The following ABCA13 variants were observed in gnomAD, a reference collection of about 807,000 sequenced individuals.
The protein encoded by ABCA13 is ATP binding cassette subfamily A member 13.
Under a neutral mutation model 478.7 loss-of-function variants are expected in ABCA13, and 476 were observed. That is an observed-to-expected ratio of 0.99 (90% CI 0.92 to 1.07). ABCA13 has a LOEUF of 1.07. Among genes scored for constraint, ABCA13 ranks in the 50% least tolerant of loss-of-function variants. ABCA13 has a pLI of 0.00. For synonymous variants in ABCA13, 2,252 were observed against 2,158.9 expected, an observed-to-expected ratio of 1.04 and a Z score of -1.20; for missense variants, 6,060 against 5,910.6, an observed-to-expected ratio of 1.03 and a Z score of -0.83.
intron 45 of ABCA13, among the ~76,000 whole-genome samples, chr7:48,476,489 G>A (rs1476882173): frequency 1.3e-5 from 2 of 152,122 alleles, no homozygotes; most frequent in Non-Finnish European, 2.9e-5. Context: ...TTAAAGAAAG[G>A]GTTTGGAATG....
chr7:48,232,982 C>T (rs1052261447), intron 7 of ABCA13, among the ~76,000 whole-genome samples: 1 of 152,138 alleles, frequency 6.6e-6, no homozygotes, highest in African/African-American at 2.4e-5. Context: ...TAGTCTAGGT[C>T]CTAGTACCTC....
intron 15 of ABCA13, among the ~76,000 whole-genome samples, chr7:48,266,925 G>C (rs1179234448): frequency 2.6e-5 from 4 of 151,868 alleles, no homozygotes; most frequent in Non-Finnish European, 5.9e-5. Context: ...GTTTCCTTTT[G>C]ATTCCTTTTT....
chr7:48,387,354 G>A (rs1041286631), intron 35 of ABCA13, among the ~76,000 whole-genome samples: 3 of 152,114 alleles, frequency 2.0e-5, no homozygotes, highest in Non-Finnish European at 2.9e-5. Flanking sequence ...GGAAATGTTA[G>A]CATTATGAAT....
chr7:48,621,425 T>C (rs1793119083), intron 59 of ABCA13, among the ~76,000 whole-genome samples: 1 of 152,160 alleles, frequency 6.6e-6, no homozygotes, highest in Non-Finnish European at 1.5e-5. Context: ...ATTTAGGAGA[T>C]AAAATATGAG....
At chr7:48,197,659 G>A (rs1376067979) in intron 2 of ABCA13, among the ~76,000 whole-genome samples, 2 of 148,362 alleles carry the variant, frequency 1.3e-5, no homozygotes, top group Non-Finnish European at 3.0e-5. Flanking sequence ...GTGAAGGGAG[G>A]ATATGGTTGG....
At chr7:48,407,321 A>G (rs996231060) in intron 39 of ABCA13, among the ~76,000 whole-genome samples, 1 of 151,592 alleles carries the variant, frequency 6.6e-6, no homozygotes, top group Non-Finnish European at 1.5e-5. Flanking sequence ...TAAAAATACA[A>G]AAAAATTAAC....
chr7:48,290,940 GAAAAAAAA>G (rs57470116), intron 20 of ABCA13, among the ~76,000 whole-genome samples: 21 of 48,834 alleles, frequency 4.3e-4, no homozygotes, highest in Non-Finnish European at 5.7e-4. Flanking sequence ...CACACTCAGG[GAAAAAAAA>G]AAAAAAAAAA....
chr7:48,346,349 T>A (rs1181855898), intron 29 of ABCA13, among the ~76,000 whole-genome samples: 1 of 152,208 alleles, frequency 6.6e-6, no homozygotes, highest in African/African-American at 2.4e-5. Flanking sequence ...GTGTTTAACA[T>A]CTGCTGTTTT....
chr7:48,382,005 T>G (rs1423687007), intron 35 of ABCA13, among the ~76,000 whole-genome samples: 1 of 152,028 alleles, frequency 6.6e-6, no homozygotes, highest in Non-Finnish European at 1.5e-5. Context: ...AATTAGGGGG[T>G]TTTAAAAGTC....
At chr7:48,559,239 C>T (rs1451399499) in intron 55 of ABCA13, among the ~76,000 whole-genome samples, 1 of 152,128 alleles carries the variant, frequency 6.6e-6, no homozygotes, top group Non-Finnish European at 1.5e-5. Context: ...GGCTGTCAAA[C>T]CACAAGTCAG....
intron 38 of ABCA13, among the ~76,000 whole-genome samples, chr7:48,397,500 A>T (rs1454380675): frequency 6.6e-6 from 1 of 152,062 alleles, no homozygotes; most frequent in Non-Finnish European, 1.5e-5. Flanking sequence ...AATATGGTAG[A>T]GGCACATATT....
intron 11 of ABCA13, among the ~76,000 whole-genome samples, chr7:48,245,051 C>T (rs1310617015): frequency 2.6e-5 from 4 of 152,158 alleles, no homozygotes; most frequent in Non-Finnish European, 4.4e-5. Flanking sequence ...TGTGAATAAG[C>T]GTATCTTTTG....
At chr7:48,255,541 T>C (rs1793250663) in intron 15 of ABCA13, among the ~76,000 whole-genome samples, 1 of 152,178 alleles carries the variant, frequency 6.6e-6, no homozygotes, top group South Asian at 2.1e-4. Flanking sequence ...TTCCCACTTA[T>C]AAATGGGAAC....
At chr7:48,641,726 G>A (rs889157006) in intron 59 of ABCA13, among the ~76,000 whole-genome samples, 2 of 152,162 alleles carry the variant, frequency 1.3e-5, no homozygotes, top group South Asian at 2.1e-4. Context: ...AGACACAGCT[G>A]AGAGCTCTCC....
At chr7:48,520,020 T>G (rs1832428279) in intron 52 of ABCA13, 21 bp from the exon 53 acceptor site, 1 of 1,576,676 alleles carries the variant, frequency 6.3e-7, no homozygotes, top group Admixed American at 1.8e-5. Flanking sequence ...TTGGATTTTT[T>G]TTCTTTTTTT....
chr7:48,455,303 C>A lies in ABCA13; in HGVS notation c.12815+17C>A. On this transcript the variant is annotated intron_variant, in intron 43 of 61. Coordinates refer to ENST00000435803, the MANE Select transcript of ABCA13 (RefSeq NM_152701.5). ...CTTTTTCAGGTAAGTTGTTTTTGTT[C>A]CTTTGATTTCGAAATTATGTCGAGG... 6.3e-7 allele frequency: 1 copy of A among 1,582,478 alleles called. No individual in the cohort carries two copies. Among genetic ancestry groups the A allele is most frequent in the Non-Finnish European group, 8.6e-7 (1 of 1,160,278 alleles).
At chr7:48,572,493 A>G (rs149605561) in intron 55 of ABCA13, among the ~76,000 whole-genome samples, 15 of 151,998 alleles carry the variant, frequency 9.9e-5, no homozygotes, top group African/African-American at 2.2e-4. Flanking sequence ...TAATTTTAAC[A>G]TTTTACTATT....
intron 28 of ABCA13, among the ~76,000 whole-genome samples, chr7:48,336,883 G>A (rs1417661522): frequency 6.6e-6 from 1 of 152,190 alleles, no homozygotes; most frequent in Non-Finnish European, 1.5e-5. Context: ...ACTAGATAAG[G>A]TCTCTGCTGC....
At chr7:48,346,786 A>G (rs1376078835) in intron 29 of ABCA13, among the ~76,000 whole-genome samples, 1 of 152,226 alleles carries the variant, frequency 6.6e-6, no homozygotes, top group Non-Finnish European at 1.5e-5. Flanking sequence ...TAGATTAAAT[A>G]ACTATCTAAT....
Sources: gnomAD v4.1 joint callset for allele counts (sites outside exome capture counted in the v4.1 genomes callset) on GRCh38, gnomAD v4.1.1 for gene constraint, MANE v1.5 for transcripts, NCBI Gene and HGNC (gene_info 2026-07-23, HGNC 2026-07-21) for gene names.